GRAMD2B: variants seen among roughly 807,000 people sequenced by gnomAD.
The protein encoded by GRAMD2B is GRAM domain-containing protein 2B.
GRAMD2B carries 41 observed loss-of-function variants against 59.2 expected under a neutral mutation model. The ratio of observed to expected loss-of-function variants is 0.69; its 90% confidence interval spans 0.54 to 0.90. The LOEUF (loss-of-function observed/expected upper bound fraction) is 0.90. Among genes scored for constraint, GRAMD2B ranks in the 40% least tolerant of loss-of-function variants. The pLI is 0.00. For missense variants in GRAMD2B, 424 were observed against 500.5 expected (o/e 0.85, Z 1.46); for synonymous variants, 161 against 182.7 (o/e 0.88, Z 0.96).
At chr5:126,395,304 A>G (rs749373815) in intron 1 of GRAMD2B, among the ~76,000 whole-genome samples, 5 of 152,232 alleles carry the variant, frequency 3.3e-5, no homozygotes, top group Admixed American at 6.5e-5. Flanking sequence ...TTTTTTAACC[A>G]TCTCTTAGTC....
chr5:126,469,863 A>C, intron 3 of GRAMD2B, 75 bp downstream of exon 3: 1 of 949,266 alleles, frequency 1.1e-6, no homozygotes, highest in South Asian at 1.4e-5. Flanking sequence ...AAGGAACCCA[A>C]GTATGCACCT....
At chr5:126,450,036 G>A (rs1039869666) in intron 1 of GRAMD2B, among the ~76,000 whole-genome samples, 4 of 152,080 alleles carry the variant, frequency 2.6e-5, no homozygotes, top group Admixed American at 1.3e-4. Flanking sequence ...GGTCTTTTAA[G>A]CTCTCTCTGG....
intron 1 of GRAMD2B, among the ~76,000 whole-genome samples, chr5:126,460,348 A>G (rs1383748569): frequency 6.6e-6 from 1 of 152,246 alleles, no homozygotes; most frequent in Admixed American, 6.5e-5. Flanking sequence ...ACTTATGCTT[A>G]TAGTGCCTAT....
chr5:126,366,229 T>C (rs1754431833), intron 1 of GRAMD2B, among the ~76,000 whole-genome samples: 1 of 152,192 alleles, frequency 6.6e-6, no homozygotes, highest in African/African-American at 2.4e-5. Flanking sequence ...ACTTAAGATA[T>C]GCTTTAGCCC....
chr5:126,469,643 T>G, intron 2 of GRAMD2B, 34 bp from the exon 3 acceptor site: 2 of 1,454,236 alleles, frequency 1.4e-6, no homozygotes, highest in Non-Finnish European at 1.9e-6. Context: ...AAAAAAAAAT[T>G]ATCTTATAGA....
intron 1 of GRAMD2B, among the ~76,000 whole-genome samples, chr5:126,416,878 TTTCTA>T (rs1215747232): frequency 1.2e-4 from 19 of 152,208 alleles, no homozygotes; most frequent in African/African-American, 4.6e-4. Context: ...GCTCTATCCA[TTTCTA>T]TTTTATTTTC....
chr5:126,413,724 C>A (rs1759027573), intron 1 of GRAMD2B, among the ~76,000 whole-genome samples: 1 of 152,036 alleles, frequency 6.6e-6, no homozygotes, highest in Non-Finnish European at 1.5e-5. Context: ...TATTGTGTGA[C>A]TGTCTGTGTC....
chr5:126,469,800 A>G lies in GRAMD2B; in HGVS notation c.315+12A>G. The stretch of plus-strand genomic sequence containing the variant: ...CATCTTCCAGCCAGGTAATTTGAGA[A>G]TGGAATTTGTATTGTCTTAGAGGGT... On this transcript the variant is annotated intron_variant, in intron 3 of 13. Coordinates refer to ENST00000285689, the MANE Select transcript of GRAMD2B (RefSeq NM_023927.4). 1 of 1,586,754 alleles carries G rather than the reference A, an allele frequency of 6.3e-7. No individual in the cohort carries two copies. Among genetic ancestry groups the G allele is most frequent in the East Asian group, 2.2e-5 (1 of 44,746 alleles).
intron 1 of GRAMD2B, among the ~76,000 whole-genome samples, chr5:126,415,127 C>G (rs955655456): frequency 1.3e-5 from 2 of 152,132 alleles, no homozygotes; most frequent in Non-Finnish European, 2.9e-5. Flanking sequence ...GACTTCCAGC[C>G]TAGAGCCTGT....
chr5:126,438,929 C>G (rs1036649256), intron 1 of GRAMD2B, among the ~76,000 whole-genome samples: 1 of 152,006 alleles, frequency 6.6e-6, no homozygotes, highest in Non-Finnish European at 1.5e-5. Context: ...GTGAGAATGG[C>G]AAGGGATGAG....
At chr5:126,474,411 ATTC>A (rs1408122819) in intron 5 of GRAMD2B, among the ~76,000 whole-genome samples, 3 of 152,216 alleles carry the variant, frequency 2.0e-5, no homozygotes, top group Non-Finnish European at 4.4e-5. Flanking sequence ...GGTAAAACAT[ATTC>A]TTTTTTATTG....
At chr5:126,360,999 C>A (rs976194636) in intron 1 of GRAMD2B, among the ~76,000 whole-genome samples, 3 of 152,104 alleles carry the variant, frequency 2.0e-5, no homozygotes, top group African/African-American at 7.2e-5. Flanking sequence ...TGTAAGCAGG[C>A]ACTATGGGTT....
At chr5:126,409,398 T>C (rs1338764316) in intron 1 of GRAMD2B, among the ~76,000 whole-genome samples, 1 of 152,244 alleles carries the variant, frequency 6.6e-6, no homozygotes. Flanking sequence ...TATGAGATGG[T>C]ATCTCACTGT....
chr5:126,413,986 T>G (rs1759052156), intron 1 of GRAMD2B, among the ~76,000 whole-genome samples: 1 of 152,106 alleles, frequency 6.6e-6, no homozygotes, highest in Non-Finnish European at 1.5e-5. Context: ...TCTTAACCAT[T>G]CCCTTATTCT....
At chr5:126,371,477 T>C in exon 1 of GRAMD2B, 1 of 1,289,226 alleles carries the variant, frequency 7.8e-7, no homozygotes, top group Non-Finnish European at 1.0e-6. Flanking sequence ...AGTGACACGG[T>C]GTTCCGGTTT....
chr5:126,476,998 A>G (rs1770753026), intron 5 of GRAMD2B, among the ~76,000 whole-genome samples: 1 of 152,212 alleles, frequency 6.6e-6, no homozygotes, highest in African/African-American at 2.4e-5. Context: ...ATACAGGTTG[A>G]GAATCCCCTA....
intron 1 of GRAMD2B, among the ~76,000 whole-genome samples, chr5:126,391,089 C>T (rs1756699229): frequency 6.6e-6 from 1 of 151,910 alleles, no homozygotes; most frequent in Non-Finnish European, 1.5e-5. Context: ...TTAGATGTGG[C>T]ACCAAAAGCA....
intron 1 of GRAMD2B, among the ~76,000 whole-genome samples, chr5:126,457,191 CAAAAAAAAAAAAAAAAAAA>C (rs559904336): frequency 4.7e-5 from 3 of 63,968 alleles, no homozygotes; most frequent in African/African-American, 1.7e-4. Context: ...GACTCCGTCT[CAAAAAAAAAAAAAAAAAAA>C]AAAAAAAAAA....
At chr5:126,398,677 AG>A (rs1431203334) in intron 1 of GRAMD2B, among the ~76,000 whole-genome samples, 2 of 151,930 alleles carry the variant, frequency 1.3e-5, no homozygotes, top group East Asian at 3.9e-4. Flanking sequence ...TAGTTTCTTA[AG>A]GTATAAAGTT....
Sources: gnomAD v4.1 joint callset for allele counts (sites outside exome capture counted in the v4.1 genomes callset) on GRCh38, gnomAD v4.1.1 for gene constraint, MANE v1.5 for transcripts, NCBI Gene and HGNC (gene_info 2026-07-23, HGNC 2026-07-21) for gene names.